The following VRK2 variants were observed in gnomAD, a reference collection of about 807,000 sequenced individuals.
VRK2 encodes VRK serine/threonine kinase 2, also known as serine/threonine-protein kinase VRK2.
In VRK2, 60 loss-of-function variants were observed where a neutral mutation model predicts 57.6. That is an observed-to-expected ratio of 1.04 (90% CI 0.85 to 1.29). The LOEUF is 1.29. Among genes scored for constraint, VRK2 ranks in the 50% most tolerant of loss-of-function variants. The pLI is 0.00. For synonymous variants in VRK2, 231 were observed against 199.2 expected, an observed-to-expected ratio of 1.16 and a Z score of -1.35; for missense variants, 705 against 588.1, an observed-to-expected ratio of 1.20 and a Z score of -2.06.
chr2:58,000,894 A>G (rs570089232), intron 1 of VRK2, among the ~76,000 whole-genome samples: 1 of 152,360 alleles, frequency 6.6e-6, no homozygotes, highest in African/African-American at 2.4e-5. Flanking sequence ...TGCTTCTGTG[A>G]TGACTCTGTA....
chr2:57,996,967 A>G (rs1253303457), intron 1 of VRK2, among the ~76,000 whole-genome samples: 1 of 152,056 alleles, frequency 6.6e-6, no homozygotes, highest in Admixed American at 6.5e-5. Flanking sequence ...CAATAGGTAG[A>G]ATGAGTAAAA....
chr2:58,049,160 A>G (rs1050010477), intron 2 of VRK2, among the ~76,000 whole-genome samples, 193 bp downstream of exon 2: 2 of 152,182 alleles, frequency 1.3e-5, no homozygotes, highest in African/African-American at 4.8e-5. Flanking sequence ...CTTGTTGTCC[A>G]TGTTTTTCTG....
chr2:58,037,328 C>G (rs1465088546), intron 3 of VRK2, among the ~76,000 whole-genome samples: 1 of 152,052 alleles, frequency 6.6e-6, no homozygotes, highest in Non-Finnish European at 1.5e-5. Flanking sequence ...AACTCTTTAT[C>G]AAGTACTCAA....
intron 3 of VRK2, among the ~76,000 whole-genome samples, chr2:58,034,047 G>A (rs966074680): frequency 6.6e-6 from 1 of 151,972 alleles, no homozygotes; most frequent in African/African-American, 2.4e-5. Context: ...TCCTAGGTAG[G>A]TGCTTACAAA....
chr2:57,989,324 A>T (rs1672693627), intron 1 of VRK2, among the ~76,000 whole-genome samples: 1 of 152,192 alleles, frequency 6.6e-6, no homozygotes, highest in Admixed American at 6.5e-5. Context: ...GTGGTATTTT[A>T]TCTGCTAAGC....
At chr2:58,108,827 A>G (rs933961870) in intron 7 of VRK2, among the ~76,000 whole-genome samples, 8 of 152,196 alleles carry the variant, frequency 5.3e-5, no homozygotes, top group African/African-American at 1.9e-4. Context: ...AAAATAACTC[A>G]GAACTTCTGG....
intron 1 of VRK2, among the ~76,000 whole-genome samples, chr2:57,981,071 G>C (rs1029615465): frequency 2.0e-5 from 3 of 152,030 alleles, no homozygotes; most frequent in African/African-American, 7.2e-5. Flanking sequence ...TCCTGTCATT[G>C]TGTTCTTATT....
intron 2 of VRK2, among the ~76,000 whole-genome samples, chr2:58,060,191 A>G (rs992069732): frequency 2.0e-5 from 3 of 151,890 alleles, no homozygotes; most frequent in African/African-American, 4.8e-5. Flanking sequence ...ACAAACCTGT[A>G]TAGCTAACAG....
intron 1 of VRK2, among the ~76,000 whole-genome samples, chr2:57,976,106 G>A (rs796973385): frequency 2.6e-5 from 4 of 151,948 alleles, no homozygotes; most frequent in African/African-American, 7.3e-5. Flanking sequence ...TCATTCTTTC[G>A]TGGCTGTGTA....
intron 1 of VRK2, among the ~76,000 whole-genome samples, chr2:58,021,152 G>T (rs889379549): frequency 6.6e-6 from 1 of 151,942 alleles, no homozygotes; most frequent in Non-Finnish European, 1.5e-5. Flanking sequence ...ACTTTTTGTG[G>T]GAAAAAATCA....
At chr2:58,139,399 CCT>C (rs1681002485) in intron 10 of VRK2, among the ~76,000 whole-genome samples, 1 of 152,104 alleles carries the variant, frequency 6.6e-6, no homozygotes, top group East Asian at 1.9e-4. Context: ...CAATATACTT[CCT>C]CTCATAAGAT....
At chr2:57,986,662 G>A (rs1261045802) in intron 1 of VRK2, among the ~76,000 whole-genome samples, 8 of 142,240 alleles carry the variant, frequency 5.6e-5, no homozygotes, top group Admixed American at 2.2e-4. Context: ...GCAGTGGCAC[G>A]ATCTCAACTC....
At chr2:58,031,839 G>A (rs747632410) in intron 2 of VRK2, among the ~76,000 whole-genome samples, 12 of 151,514 alleles carry the variant, frequency 7.9e-5, no homozygotes, top group African/African-American at 2.2e-4. Context: ...TCATACAAAC[G>A]AAAAAAATGG....
intron 7 of VRK2, among the ~76,000 whole-genome samples, chr2:58,120,643 G>A (rs1486752973): frequency 6.6e-6 from 1 of 152,152 alleles, no homozygotes; most frequent in Non-Finnish European, 1.5e-5. Context: ...CTTCCTGACT[G>A]TAGGCCCCTG....
chr2:58,084,039 G>A (rs769177298), intron 2 of VRK2, 50 bp from the exon 3 acceptor site: 4 of 1,586,730 alleles, frequency 2.5e-6, no homozygotes, highest in Non-Finnish European at 3.4e-6. Context: ...TAGGTATTCA[G>A]TAATTGGGAA....
intron 1 of VRK2, among the ~76,000 whole-genome samples, chr2:58,016,275 T>G (rs953943198): frequency 6.6e-6 from 1 of 152,140 alleles, no homozygotes; most frequent in African/African-American, 2.4e-5. Context: ...CTATTAATTA[T>G]TATTGATAGT....
intron 7 of VRK2, among the ~76,000 whole-genome samples, chr2:58,091,856 T>G (rs969574104): frequency 2.0e-5 from 3 of 152,116 alleles, no homozygotes; most frequent in Admixed American, 2.0e-4. Context: ...GAGGCACCCT[T>G]TTTAAAGGAC....
chr2:57,911,779 G>C (rs1173272169), intron 1 of VRK2, among the ~76,000 whole-genome samples: 1 of 152,122 alleles, frequency 6.6e-6, no homozygotes, highest in Non-Finnish European at 1.5e-5. Context: ...CTGAAAATCA[G>C]ACCAAACCAG....
intron 1 of VRK2, among the ~76,000 whole-genome samples, chr2:58,022,625 C>T (rs1381758670): frequency 6.6e-6 from 1 of 152,216 alleles, no homozygotes; most frequent in African/African-American, 2.4e-5. Context: ...CCTGCAACCC[C>T]AGCACTTTGG....
Sources: gnomAD v4.1 joint callset for allele counts (sites outside exome capture counted in the v4.1 genomes callset) on GRCh38, gnomAD v4.1.1 for gene constraint, MANE v1.5 for transcripts, NCBI Gene and HGNC (gene_info 2026-07-23, HGNC 2026-07-21) for gene names.